C16orf46: variants seen among roughly 807,000 people sequenced by gnomAD.
C16orf46 encodes chromosome 16 open reading frame 46.
A neutral mutation model predicts 5.5 loss-of-function variants in C16orf46; 7 were observed. The observed-to-expected ratio is 1.28, with a 90% confidence interval of 0.73 to 2.40. C16orf46 has a LOEUF of 2.40. Ranked by LOEUF, C16orf46 falls within the 30% of genes most tolerant of loss-of-function variation. The probability of loss-of-function intolerance (pLI) is 0.00; values close to 1 mark genes in which losing one functional copy is unlikely to be tolerated. For synonymous variants in C16orf46, 200 were observed against 184.1 expected (o/e 1.09, Z -0.70); for missense variants, 614 against 476.0 (o/e 1.29, Z -2.70).
downstream of C16orf46, chr16:81,060,829 C>T (rs1033872346): frequency 2.4e-5 from 8 of 336,346 alleles, no homozygotes; most frequent in East Asian, 6.8e-4. Context: ...TTTGGATTCC[C>T]CACTTTCTGC....
Position 81,061,651 on chromosome 16 carries a change from A to G in C16orf46, c.698T>C (p.Phe233Ser), listed in dbSNP as rs764170243. The G allele has an allele frequency of 1.8e-4, 290 of 1,614,060 alleles. No homozygotes were observed. Among genetic ancestry groups the G allele is most frequent in the Non-Finnish European group, 2.4e-4 (281 of 1,180,042 alleles). The stretch of plus-strand genomic sequence containing the variant: ...CAGCACCTTCTCTTCTGACTGCAAG[A>G]AAGAGTTCTTACTCTTCTTACCCAG... ...DVLGKKSKNSFLQSEEKVLDV... is the reference protein window; with the variant it reads ...DVLGKKSKNSSLQSEEKVLDV... The change falls in exon 4 of 4, where the codon TTC (phenylalanine) becomes TCC (serine). Residue 233 changes from phenylalanine to serine, a missense_variant. Phe to Ser is a radical substitution (Grantham distance 155). Coordinates refer to ENST00000299578, the MANE Select transcript of C16orf46 (RefSeq NM_152337.3).
At chr16:81,064,027 A>G (rs1277957400) in intron 2 of C16orf46, 34 bp from the exon 3 acceptor site, 1 of 1,172,158 alleles carries the variant, frequency 8.5e-7, no homozygotes, top group Non-Finnish European at 1.2e-6. Context: ...TTCGTTTTTA[A>G]TATTAATTTT....
chr16:81,062,822 A>G (rs754018209), intron 3 of C16orf46, among the ~76,000 whole-genome samples: 22 of 151,392 alleles, frequency 1.5e-4, no homozygotes, highest in Admixed American at 4.6e-4. Flanking sequence ...TTAGGTATTT[A>G]TCTGGTAATC....
downstream of C16orf46, among the ~76,000 whole-genome samples, chr16:81,059,583 T>A (rs1281387690): frequency 1.3e-5 from 2 of 152,190 alleles, no homozygotes; most frequent in South Asian, 2.1e-4. Context: ...AAAATATAAA[T>A]CATTTACAAA....
At chr16:81,062,198 A>G (rs544037105) in intron 3 of C16orf46, 60 bp from the exon 4 acceptor site, 12 of 1,434,132 alleles carry the variant, frequency 8.4e-6, no homozygotes, top group Middle Eastern at 1.9e-4. Flanking sequence ...CCTTGCCCCA[A>G]TTTTGGCCAC....
chr16:81,069,382 T>A (rs1038753333), intron 1 of C16orf46, among the ~76,000 whole-genome samples: 2 of 152,208 alleles, frequency 1.3e-5, no homozygotes, highest in Non-Finnish European at 2.9e-5. Flanking sequence ...TCCTCACTCC[T>A]GAACATGAAC....
chr16:81,064,020 GT>G (rs1217255993), intron 2 of C16orf46, 27 bp from the exon 3 acceptor site: 9 of 1,200,152 alleles, frequency 7.5e-6, no homozygotes, highest in Non-Finnish European at 1.1e-5. Flanking sequence ...ATGGAACTTC[GT>G]TTTTAATATT....
chr16:81,059,711 CA>C, downstream of C16orf46, among the ~76,000 whole-genome samples: 1 of 151,956 alleles, frequency 6.6e-6, no homozygotes, highest in Non-Finnish European at 1.5e-5. Context: ...TGAGGGTTTC[CA>C]AACATTAGAT....
At position 81,064,067 on chromosome 16, in the gene C16orf46, T is replaced by G. The variant is rs1249580939; in HGVS notation, c.-38-74A>C. 11 of 775,744 alleles carry G rather than the reference T, an allele frequency of 1.4e-5. No homozygotes were observed. In the East Asian group the frequency reaches 3.0e-4, roughly 21 times the overall value. 48.1% of individuals were successfully genotyped at this position (775,744 alleles called of 1,614,324 possible). On this transcript the variant is annotated intron_variant, in intron 2 of 3. Transcript: ENST00000299578. ...TAAAAAAAGCAATGCAATACTCAGG[T>G]GAAATATCTTCAAGACACATTCAGG... is the stretch of plus-strand genomic sequence containing the variant.
chr16:81,067,119 A>G (rs1971676716), intron 1 of C16orf46, among the ~76,000 whole-genome samples: 1 of 152,168 alleles, frequency 6.6e-6, no homozygotes, highest in Non-Finnish European at 1.5e-5. Context: ...TTTGGAAACG[A>G]AAGAAAGATG....
intron 1 of C16orf46, among the ~76,000 whole-genome samples, chr16:81,071,712 C>A (rs999293994): frequency 5.2e-4 from 79 of 151,942 alleles, no homozygotes; most frequent in African/African-American, 1.8e-3. Context: ...AAGTAAATAA[C>A]CCCAAAAATA....
chr16:81,074,984 T>C (rs1317035169), intron 1 of C16orf46, among the ~76,000 whole-genome samples: 1 of 152,198 alleles, frequency 6.6e-6, no homozygotes, highest in Non-Finnish European at 1.5e-5. Context: ...TCCATTAATT[T>C]GATGAGGATG....
At position 81,061,601 on chromosome 16, in the gene C16orf46, C is replaced by A; in HGVS notation, c.748G>T (p.Ala250Ser). The A allele has an allele frequency of 6.2e-7, 1 of 1,614,206 alleles. No homozygotes were observed. The highest frequency in any genetic ancestry group is 8.5e-7 in the Non-Finnish European group (1 of 1,180,040). ...GCTGTTTTCAAGCCATATGCATAAGCCACACACCCATCCTTTTCCACATCC... is the reference window on the plus strand; with the variant it reads ...GCTGTTTTCAAGCCATATGCATAAGACACACACCCATCCTTTTCCACATCC... ...VLDVEKDGCV[A>S]YAYGLKTADG... The change falls in exon 4 of 4, where the codon GCT becomes TCT. Residue 250 changes from alanine to serine, a missense_variant. Coordinates refer to ENST00000299578, the MANE Select transcript of C16orf46 (RefSeq NM_152337.3).
Position 81,063,780 on chromosome 16 carries a change from T to C in C16orf46, c.176A>G (p.Lys59Arg). 6.2e-7 allele frequency: 1 copy of C among 1,614,000 alleles called. No individual in the cohort carries two copies. Among genetic ancestry groups the C allele is most frequent in the Non-Finnish European group, 8.5e-7 (1 of 1,179,950 alleles). The change falls in exon 3 of 4, where the codon AAA becomes AGA. Residue 59 changes from lysine (K) to arginine (R), a missense_variant. Coordinates refer to ENST00000299578, the MANE Select transcript of C16orf46 (RefSeq NM_152337.3). ...CCATCCAGTTCCAATAATAAACTCT[T>C]TGGCTTTTTCATCTTGTTCAAGCGT... ...DITLEQDEKA[K>R]EFIIGTGWEE...
chr16:81,065,384 G>T (rs1182356254), intron 2 of C16orf46, among the ~76,000 whole-genome samples: 2 of 146,250 alleles, frequency 1.4e-5, no homozygotes, highest in Non-Finnish European at 3.0e-5. Flanking sequence ...TGTGGCAGGA[G>T]AATAGCTTGA....
At position 81,061,943 on chromosome 16, in the gene C16orf46, C is replaced by G; in HGVS notation, c.406G>C (p.Ala136Pro). The change falls in exon 4 of 4, where the codon GCC becomes CCC. Residue 136 changes from alanine to proline, a missense_variant. Coordinates refer to ENST00000299578, the MANE Select transcript of C16orf46 (RefSeq NM_152337.3). ...GAAGCAGTGCTGGGGCCCTGGGGGG[C>G]TGCCTGAGTCTGGGAGGGGCTGCTC... Reference protein sequence around the residue: ...DQSSPSQTQAAPQGPSTASRA... With the variant: ...DQSSPSQTQAPPQGPSTASRA... 6.2e-7 allele frequency: 1 copy of G among 1,614,184 alleles called. No individual in the cohort carries two copies. The highest frequency in any genetic ancestry group is 1.1e-5 in the South Asian group (1 of 91,088).
chr16:81,071,084 C>T (rs775575589), intron 1 of C16orf46, among the ~76,000 whole-genome samples: 4 of 152,098 alleles, frequency 2.6e-5, no homozygotes, highest in Admixed American at 6.6e-5. Context: ...CCTGGGAATC[C>T]AGTGCCAATC....
chr16:81,069,701 C>A (rs1461693520), intron 1 of C16orf46, among the ~76,000 whole-genome samples: 1 of 152,204 alleles, frequency 6.6e-6, no homozygotes, highest in East Asian at 1.9e-4. Flanking sequence ...CTGTGAATGT[C>A]ACTACCTAAA....
At chr16:81,069,216 G>A (rs970801464) in intron 1 of C16orf46, among the ~76,000 whole-genome samples, 11 of 152,062 alleles carry the variant, frequency 7.2e-5, no homozygotes, top group South Asian at 2.1e-4. Flanking sequence ...AGTACTGTCC[G>A]TCAGTCTCGA....
Sources: gnomAD v4.1 joint callset for allele counts (sites outside exome capture counted in the v4.1 genomes callset) on GRCh38, gnomAD v4.1.1 for gene constraint, MANE v1.5 for transcripts, NCBI Gene and HGNC (gene_info 2026-07-23, HGNC 2026-07-21) for gene names.